Variants in DLGAP2 observed in about 807,000 individuals in gnomAD.
DLGAP2 encodes disks large-associated protein 2.
Under a neutral mutation model 100.3 loss-of-function variants are expected in DLGAP2, and 26 were observed. The observed-to-expected ratio is 0.26, with a 90% CI of 0.19 to 0.36. The LOEUF (loss-of-function observed/expected upper bound fraction) is 0.36, where lower values mean the gene tolerates loss of function less well. DLGAP2 is among the 10% of genes least tolerant of loss of function. DLGAP2 has a pLI of 1.00. For missense variants in DLGAP2, 1,858 were observed against 1,453.2 expected (o/e 1.28, Z -4.53); for synonymous variants, 886 against 630.1 (o/e 1.41, Z -6.08).
intron 2 of DLGAP2, among the ~76,000 whole-genome samples, chr8:1,082,471 G>A (rs901407754): frequency 2.6e-5 from 4 of 152,152 alleles, no homozygotes; most frequent in Non-Finnish European, 5.9e-5. Context: ...TGGGGGTGCC[G>A]TGGCTCTCAG....
At chr8:1,424,957 G>A (rs1048332613) in intron 3 of DLGAP2, among the ~76,000 whole-genome samples, 6 of 152,212 alleles carry the variant, frequency 3.9e-5, no homozygotes, top group Non-Finnish European at 8.8e-5. Flanking sequence ...GGCAGTGATG[G>A]CTGCACAACA....
chr8:853,320 G>T (rs1274647940), intron 1 of DLGAP2, among the ~76,000 whole-genome samples: 1 of 152,220 alleles, frequency 6.6e-6, no homozygotes, highest in Non-Finnish European at 1.5e-5. Flanking sequence ...GAGGGGCTTG[G>T]TTCTGCCAGT....
chr8:1,512,537 A>G (rs2130377044), intron 4 of DLGAP2, among the ~76,000 whole-genome samples: 1 of 152,216 alleles, frequency 6.6e-6, no homozygotes, highest in East Asian at 1.9e-4. Flanking sequence ...TGCACGTGTG[A>G]CTGACGCACT....
chr8:1,206,955 C>T (rs1798009501), intron 2 of DLGAP2, among the ~76,000 whole-genome samples: 1 of 152,288 alleles, frequency 6.6e-6, no homozygotes, highest in Non-Finnish European at 1.5e-5. Flanking sequence ...GCTGAGTGGA[C>T]ACCGTCTCGG....
Position 1,623,361 on chromosome 8 carries a change from A to T in DLGAP2, c.1443-3379A>T, listed in dbSNP as rs570540919. 1.2e-3 allele frequency among the ~76,000 whole-genome samples: 174 copies of T among 148,010 alleles called. 2 individuals carry two copies. The highest frequency in any genetic ancestry group is 4.0e-3 in the African/African-American group (160 of 39,798). ...ACCAGTGTGTGAAGACCTGTGCGTGATGACCTGGAACCAGTGCGTGATGAC... is the reference window on the plus strand; with the variant it reads ...ACCAGTGTGTGAAGACCTGTGCGTGTTGACCTGGAACCAGTGCGTGATGAC... On this transcript the variant is annotated intron_variant, in intron 6 of 14. Transcript: ENST00000637795.
At chr8:1,003,809 G>T (rs141162413) in intron 2 of DLGAP2, among the ~76,000 whole-genome samples, 1 of 152,142 alleles carries the variant, frequency 6.6e-6, no homozygotes, top group Non-Finnish European at 1.5e-5. Flanking sequence ...ATGGTGGCTC[G>T]GCCCTAAGTG....
chr8:1,117,808 T>A (rs1311729315), intron 2 of DLGAP2, among the ~76,000 whole-genome samples: 1 of 151,922 alleles, frequency 6.6e-6, no homozygotes, highest in East Asian at 1.9e-4. Context: ...TGACACTCAC[T>A]TGGGCTCAGA....
chr8:1,089,644 A>C (rs1410956513), intron 2 of DLGAP2, among the ~76,000 whole-genome samples: 1 of 152,202 alleles, frequency 6.6e-6, no homozygotes, highest in African/African-American at 2.4e-5. Context: ...TGATAGGTTC[A>C]TATTGATTTT....
intron 3 of DLGAP2, among the ~76,000 whole-genome samples, chr8:1,433,891 C>T (rs2130012175): frequency 6.6e-6 from 1 of 152,218 alleles, no homozygotes. Context: ...CCAGTGCTGT[C>T]CATGGTCCCT....
chr8:1,024,817 G>A (rs1342974931), intron 2 of DLGAP2, among the ~76,000 whole-genome samples: 2 of 152,172 alleles, frequency 1.3e-5, no homozygotes, highest in African/African-American at 4.8e-5. Flanking sequence ...TAGGCCAGCG[G>A]CGTCTCAAGC....
chr8:1,460,788 G>A (rs982495734), intron 3 of DLGAP2, among the ~76,000 whole-genome samples: 3 of 152,178 alleles, frequency 2.0e-5, no homozygotes, highest in Non-Finnish European at 4.4e-5. Flanking sequence ...ACTAATCAGA[G>A]AAGATACTTT....
chr8:794,199 G>A (rs777579105), intron 1 of DLGAP2, among the ~76,000 whole-genome samples: 2 of 151,596 alleles, frequency 1.3e-5, no homozygotes, highest in Non-Finnish European at 2.9e-5. Context: ...CTGTGGGTGG[G>A]GCGTGTTTCT....
chr8:790,093 A>T (rs1821988300), intron 1 of DLGAP2, among the ~76,000 whole-genome samples: 1 of 152,204 alleles, frequency 6.6e-6, no homozygotes, highest in Non-Finnish European at 1.5e-5. Context: ...AGCCAGAGCC[A>T]GTGGAGAAAG....
intron 2 of DLGAP2, among the ~76,000 whole-genome samples, chr8:1,213,319 G>C (rs141351933): frequency 1.0e-3 from 156 of 152,266 alleles, no homozygotes; most frequent in African/African-American, 3.3e-3. Flanking sequence ...TTTACTAAAA[G>C]TTTTGATCGA....
intron 2 of DLGAP2, among the ~76,000 whole-genome samples, chr8:1,088,652 C>T (rs1161750466): frequency 6.6e-6 from 1 of 151,836 alleles, no homozygotes; most frequent in African/African-American, 2.4e-5. Context: ...CCACTCTCTC[C>T]ACCCCTCATG....
chr8:1,096,107 A>G (rs1804357384), intron 2 of DLGAP2, among the ~76,000 whole-genome samples: 1 of 152,240 alleles, frequency 6.6e-6, no homozygotes. Context: ...TTCCATTTAC[A>G]TCACACAAGT....
intron 3 of DLGAP2, among the ~76,000 whole-genome samples, chr8:1,327,021 A>T (rs926560745): frequency 2.6e-5 from 4 of 150,968 alleles, no homozygotes; most frequent in Non-Finnish European, 4.4e-5. Flanking sequence ...CTAGGCAGTG[A>T]TTCTGAAGCA....
At chr8:1,433,592 T>A (rs150208435) in intron 3 of DLGAP2, among the ~76,000 whole-genome samples, 87 of 151,902 alleles carry the variant, frequency 5.7e-4, no homozygotes, top group Non-Finnish European at 1.1e-3. Flanking sequence ...AGGTGCACAG[T>A]CGGACACTGG....
chr8:885,945 C>T (rs1278256510), intron 1 of DLGAP2, among the ~76,000 whole-genome samples: 1 of 152,116 alleles, frequency 6.6e-6, no homozygotes, highest in Non-Finnish European at 1.5e-5. Flanking sequence ...CCCTCCTTTT[C>T]AATTGTTTGG....
Sources: gnomAD v4.1 joint callset for allele counts (sites outside exome capture counted in the v4.1 genomes callset) on GRCh38, gnomAD v4.1.1 for gene constraint, MANE v1.5 for transcripts, NCBI Gene and HGNC (gene_info 2026-07-23, HGNC 2026-07-21) for gene names.